Variants in ASAP1 observed in about 807,000 individuals in gnomAD.
ASAP1 encodes the protein ArfGAP with SH3 domain, ankyrin repeat and PH domain 1.
A neutral mutation model predicts 145.2 loss-of-function variants in ASAP1; 43 were observed. The ratio of observed to expected loss-of-function variants is 0.30; its 90% CI spans 0.23 to 0.38. The LOEUF is 0.38. ASAP1 is among the 10% of genes least tolerant of loss of function. The pLI is 1.00. For missense variants in ASAP1, 1,018 were observed against 1,355.3 expected, an observed-to-expected ratio of 0.75 and a Z score of 3.91; for synonymous variants, 546 against 515.5, an observed-to-expected ratio of 1.06 and a Z score of -0.80.
rs149396878 is a variant in ASAP1 at position 130,170,004 on chromosome 8, C to T, written c.747-937G>A. Among the ~76,000 whole-genome samples, 750 of 152,248 alleles carry T rather than the reference C, an allele frequency of 4.9e-3. 4 individuals are homozygous for T. Among genetic ancestry groups the T allele is most frequent in the Middle Eastern group, 0.014 (4 of 294 alleles). Reference sequence around the variant, plus strand: ...CCTCAGAAAACGTGTTTAGAATTTTCTCTGCCCTATTGGAAGCTTCTCTAA... The same window carrying T: ...CCTCAGAAAACGTGTTTAGAATTTTTTCTGCCCTATTGGAAGCTTCTCTAA... On this transcript the variant is annotated intron_variant, in intron 9 of 29. Transcript: ENST00000518721.
At chr8:130,333,820 A>G (rs6470814) in intron 3 of ASAP1, among the ~76,000 whole-genome samples, 124,592 of 152,182 alleles carry the variant, frequency 0.82, 51,660 homozygotes, top group African/African-American at 0.94. Flanking sequence ...ATTATGTGAC[A>G]AGCAGCATGC....
intron 4 of ASAP1, among the ~76,000 whole-genome samples, chr8:130,215,197 G>A (rs551664167): frequency 3.3e-5 from 5 of 152,146 alleles, no homozygotes; most frequent in African/African-American, 9.6e-5. Context: ...ACCGCACCTC[G>A]CCTTTCCCTT....
intron 14 of ASAP1, among the ~76,000 whole-genome samples, chr8:130,135,733 C>T (rs1292582740): frequency 6.6e-6 from 1 of 152,154 alleles, no homozygotes; most frequent in East Asian, 1.9e-4. Flanking sequence ...CTATAACTGC[C>T]AACTATTATT....
At chr8:130,375,555 A>G (rs1438949067) in intron 2 of ASAP1, among the ~76,000 whole-genome samples, 1 of 148,196 alleles carries the variant, frequency 6.7e-6, no homozygotes, top group African/African-American at 2.6e-5. Context: ...CTCGAGGGAA[A>G]AAAAAAAAAA....
intron 5 of ASAP1, among the ~76,000 whole-genome samples, chr8:130,196,899 T>C (rs1273928479): frequency 6.6e-6 from 1 of 152,220 alleles, no homozygotes; most frequent in Non-Finnish European, 1.5e-5. Context: ...CTTGAAGCTA[T>C]TTAAAACTGG....
Position 130,112,306 on chromosome 8 carries a change from T to G in ASAP1, c.2189A>C (p.Lys730Thr). ...DLDDKPSPIK[K>T]ERSPRPQSFC... ...GCTCTGAGGTCTGGGTGAGCGCTCTTTCTTGATAGGGCTTGGCTGGCAGAT... is the reference window on the plus strand; with the variant it reads ...GCTCTGAGGTCTGGGTGAGCGCTCTGTCTTGATAGGGCTTGGCTGGCAGAT... The change falls in exon 24 of 30, where the codon AAA (lysine) becomes ACA (threonine). Residue 730 changes from lysine to threonine, a missense_variant. Coordinates refer to ENST00000518721, the MANE Select transcript of ASAP1 (RefSeq NM_018482.4). 6.2e-7 allele frequency: 1 copy of G among 1,614,060 alleles called. No homozygotes were observed. Among genetic ancestry groups the G allele is most frequent in the Non-Finnish European group, 8.5e-7 (1 of 1,179,946 alleles).
At chr8:130,415,018 A>G (rs1455201041) in intron 1 of ASAP1, among the ~76,000 whole-genome samples, 5 of 152,260 alleles carry the variant, frequency 3.3e-5, no homozygotes, top group Admixed American at 2.0e-4. Flanking sequence ...TTGGCCTCCC[A>G]AAGTGCTGGG....
At chr8:130,435,124 G>A (rs76833135) in intron 1 of ASAP1, among the ~76,000 whole-genome samples, 2,825 of 152,198 alleles carry the variant, frequency 0.019, 83 homozygotes, top group African/African-American at 0.065. Context: ...GTAACCTGGC[G>A]GGGAGGGTGA....
chr8:130,099,936 C>G (rs1477634259), intron 24 of ASAP1, among the ~76,000 whole-genome samples: 1 of 152,114 alleles, frequency 6.6e-6, no homozygotes, highest in African/African-American at 2.4e-5. Flanking sequence ...TAGACTGATT[C>G]CATATCTTGG....
intron 2 of ASAP1, among the ~76,000 whole-genome samples, chr8:130,372,453 G>A (rs1827255404): frequency 6.6e-6 from 1 of 152,176 alleles, no homozygotes; most frequent in Non-Finnish European, 1.5e-5. Flanking sequence ...AGAACCCCAG[G>A]TTTGCTGTTA....
chr8:130,284,749 G>A (rs1821491922), intron 3 of ASAP1, among the ~76,000 whole-genome samples: 1 of 151,402 alleles, frequency 6.6e-6, no homozygotes, highest in African/African-American at 2.4e-5. Context: ...GCTTTGCACA[G>A]AAGAAAAAAA....
intron 3 of ASAP1, among the ~76,000 whole-genome samples, chr8:130,283,762 G>A (rs1476205174): frequency 6.6e-6 from 1 of 152,124 alleles, no homozygotes; most frequent in Non-Finnish European, 1.5e-5. Context: ...ATAATAGGAT[G>A]CCTTAAAACC....
intron 5 of ASAP1, among the ~76,000 whole-genome samples, chr8:130,194,351 G>C (rs759779113): frequency 8.0e-5 from 12 of 150,910 alleles, no homozygotes; most frequent in Non-Finnish European, 1.2e-4. Flanking sequence ...TCAAGAGGAG[G>C]AAATTTTAGG....
intron 3 of ASAP1, among the ~76,000 whole-genome samples, chr8:130,325,739 C>T (rs1253376229): frequency 6.6e-6 from 1 of 152,144 alleles, no homozygotes; most frequent in Non-Finnish European, 1.5e-5. Flanking sequence ...TAGGGCAGGG[C>T]TAAATGCTTT....
intron 1 of ASAP1, among the ~76,000 whole-genome samples, chr8:130,442,192 C>T (rs542858395): frequency 1.4e-4 from 22 of 152,258 alleles, no homozygotes; most frequent in Admixed American, 9.8e-4. Context: ...GTGGTGAAGG[C>T]TGTGACGCAA....
At chr8:130,096,586 A>C (rs2097518301) in intron 24 of ASAP1, among the ~76,000 whole-genome samples, 1 of 152,184 alleles carries the variant, frequency 6.6e-6, no homozygotes, top group Non-Finnish European at 1.5e-5. Flanking sequence ...AGCTTCTATG[A>C]ATAAATCTGA....
intron 2 of ASAP1, among the ~76,000 whole-genome samples, chr8:130,374,002 C>T (rs1827356356): frequency 6.9e-6 from 1 of 144,242 alleles, no homozygotes; most frequent in African/African-American, 2.6e-5. Context: ...ATATTTGGTG[C>T]TCAAAGGCCT....
At chr8:130,216,017 A>AAAAGG (rs1554850154) in intron 4 of ASAP1, among the ~76,000 whole-genome samples, 1 of 134,520 alleles carries the variant, frequency 7.4e-6, no homozygotes, top group African/African-American at 2.9e-5. Flanking sequence ...AAGGAAAGGA[A>AAAAGG]AAAGGAAAGG....
Position 130,188,094 on chromosome 8 carries a change from T to C in ASAP1, c.480+15A>G. ...CTTTCAAGTTAAAGTGAAAATCAAA[T>C]TTCTGAACACTTACTCCTTTGACTC... On this transcript the variant is annotated intron_variant, in intron 6 of 29. Transcript: ENST00000518721. The C allele has an allele frequency of 1.3e-6, 2 of 1,590,936 alleles. No individual in the cohort carries two copies. Among genetic ancestry groups the C allele is most frequent in the Non-Finnish European group, 8.6e-7 (1 of 1,162,354 alleles).
Sources: allele counts gnomAD v4.1 joint callset (sites outside exome capture counted in the v4.1 genomes callset), GRCh38; gene constraint gnomAD v4.1.1; transcripts MANE v1.5; gene names NCBI Gene and HGNC (gene_info 2026-07-23, HGNC 2026-07-21).